Variants in GPATCH8 observed in about 807,000 individuals in gnomAD.
GPATCH8 encodes the protein G-patch domain containing 8, also known as G patch domain-containing protein 8.
In GPATCH8, 18 loss-of-function variants were observed where a neutral mutation model predicts 118.3. The ratio of observed to expected loss-of-function variants is 0.15; its 90% CI spans 0.11 to 0.23. The LOEUF (loss-of-function observed/expected upper bound fraction) is 0.23. Among genes scored for constraint, GPATCH8 ranks in the 10% least tolerant of loss-of-function variants. The pLI is 1.00. For missense variants in GPATCH8, 1,631 were observed against 1,873.8 expected, an observed-to-expected ratio of 0.87 and a Z score of 2.39; for synonymous variants, 659 against 684.7, an observed-to-expected ratio of 0.96 and a Z score of 0.59.
At chr17:44,414,594 G>A (rs754878331) in intron 6 of GPATCH8, among the ~76,000 whole-genome samples, 24 of 152,316 alleles carry the variant, frequency 1.6e-4, no homozygotes, top group Non-Finnish European at 2.1e-4. Flanking sequence ...GTGAGCCATT[G>A]CTCCTGGCCC....
intron 2 of GPATCH8, among the ~76,000 whole-genome samples, chr17:44,468,410 C>G (rs1350679647): frequency 2.0e-5 from 2 of 102,086 alleles, no homozygotes; most frequent in African/African-American, 4.1e-5. Flanking sequence ...TTTTGTGAGA[C>G]AGGGTCTCGC....
At chr17:44,425,309 G>C (rs2050050962) in intron 5 of GPATCH8, among the ~76,000 whole-genome samples, 1 of 152,064 alleles carries the variant, frequency 6.6e-6, no homozygotes, top group Admixed American at 6.6e-5. Context: ...AAAAAGATAA[G>C]TCTTATCTCA....
chr17:44,461,872 G>C (rs1351778261), intron 3 of GPATCH8, among the ~76,000 whole-genome samples: 3 of 151,522 alleles, frequency 2.0e-5, no homozygotes, highest in Non-Finnish European at 4.4e-5. Context: ...TGGGGGGTGG[G>C]GTGTAGGGGG....
At chr17:44,401,791 G>A (rs1053698494) in intron 7 of GPATCH8, among the ~76,000 whole-genome samples, 4 of 151,770 alleles carry the variant, frequency 2.6e-5, no homozygotes, top group African/African-American at 9.7e-5. Context: ...ACTGCTTGAG[G>A]TCAGAAGTTC....
chr17:44,440,623 G>C (rs2050656092), intron 3 of GPATCH8, among the ~76,000 whole-genome samples: 1 of 152,148 alleles, frequency 6.6e-6, no homozygotes, highest in Non-Finnish European at 1.5e-5. Flanking sequence ...AAATTCCTAA[G>C]TGCTCTCTTA....
intron 6 of GPATCH8, among the ~76,000 whole-genome samples, chr17:44,406,571 T>C (rs2049240901): frequency 6.6e-6 from 1 of 151,974 alleles, no homozygotes; most frequent in Non-Finnish European, 1.5e-5. Flanking sequence ...TGGTTTTTTT[T>C]TCTTTCAGCA....
intron 2 of GPATCH8, chr17:44,466,010 G>C (rs1226968870): frequency 6.6e-6 from 1 of 151,998 alleles, no homozygotes; most frequent in East Asian, 1.9e-4. Flanking sequence ...TCATTGATGG[G>C]GGAAAACCAG....
chr17:44,476,946 T>C (rs1288334564), intron 1 of GPATCH8, among the ~76,000 whole-genome samples: 1 of 152,238 alleles, frequency 6.6e-6, no homozygotes, highest in African/African-American at 2.4e-5. Flanking sequence ...ATCAATTTTC[T>C]GGTTCCCTTC....
chr17:44,416,575 TACA>T (rs2049694293), intron 6 of GPATCH8, among the ~76,000 whole-genome samples: 1 of 152,200 alleles, frequency 6.6e-6, no homozygotes, highest in South Asian at 2.1e-4. Flanking sequence ...AAAATAAAAC[TACA>T]ACATGTTCAA....
intron 1 of GPATCH8, among the ~76,000 whole-genome samples, chr17:44,498,377 A>C (rs1288719809): frequency 1.3e-5 from 2 of 152,208 alleles, no homozygotes; most frequent in Non-Finnish European, 2.9e-5. Context: ...CTCTGATCAC[A>C]GTTCTTCCCA....
At chr17:44,428,551 C>G (rs929676910) in intron 5 of GPATCH8, among the ~76,000 whole-genome samples, 2 of 151,688 alleles carry the variant, frequency 1.3e-5, no homozygotes, top group Non-Finnish European at 2.9e-5. Flanking sequence ...ACCTGTAATC[C>G]CAGCACTTTG....
At chr17:44,476,995 A>T (rs1967834675) in intron 1 of GPATCH8, among the ~76,000 whole-genome samples, 1 of 152,236 alleles carries the variant, frequency 6.6e-6, no homozygotes, top group African/African-American at 2.4e-5. Flanking sequence ...TGTGAGTCCC[A>T]CAATGACCTA....
At chr17:44,435,283 G>C (rs916687667) in intron 4 of GPATCH8, 132 bp from the exon 5 acceptor site, 1 of 664,954 alleles carries the variant, frequency 1.5e-6, no homozygotes, top group East Asian at 2.7e-5. Context: ...GCTACTGCTT[G>C]CTTTATTGTC....
chr17:44,443,481 T>C (rs1598502811), intron 3 of GPATCH8, among the ~76,000 whole-genome samples: 1 of 152,114 alleles, frequency 6.6e-6, no homozygotes, highest in East Asian at 1.9e-4. Flanking sequence ...ATGCTACCTC[T>C]CAGAAAACAT....
intron 2 of GPATCH8, chr17:44,464,797 A>T: frequency 2.1e-6 from 1 of 465,740 alleles, no homozygotes. Context: ...TTTTGTATAT[A>T]ACATTTTTAA....
chr17:44,402,346 AAAGT>A (rs2049057845), intron 7 of GPATCH8, among the ~76,000 whole-genome samples: 1 of 151,744 alleles, frequency 6.6e-6, no homozygotes, highest in South Asian at 2.1e-4. Context: ...AAAAAAAAAA[AAAGT>A]AAGACTTATG....
At chr17:44,436,079 T>G (rs1472256535) in intron 4 of GPATCH8, among the ~76,000 whole-genome samples, 6 of 61,208 alleles carry the variant, frequency 9.8e-5, no homozygotes, top group Non-Finnish European at 2.2e-4. Context: ...ATGAAGAAAA[T>G]ATTTTAGGCA....
intron 5 of GPATCH8, among the ~76,000 whole-genome samples, chr17:44,431,905 G>T (rs896043365): frequency 5.3e-5 from 8 of 152,056 alleles, no homozygotes; most frequent in Non-Finnish European, 1.2e-4. Flanking sequence ...CAGCATGGAC[G>T]ACAGAGTGAG....
Position 44,463,197 on chromosome 17 carries a change from G to C in GPATCH8, c.193+1275C>G, listed in dbSNP as rs368123663. Among the ~76,000 whole-genome samples, 75 of 152,108 alleles carry C rather than the reference G, an allele frequency of 4.9e-4. 1 individual carries two copies. The South Asian group carries it at 0.015, about 31-fold the overall frequency. On this transcript the variant is annotated intron_variant, in intron 3 of 7. Coordinates refer to ENST00000591680, the MANE Select transcript of GPATCH8 (RefSeq NM_001002909.4). ...AACCTCCCAAACTGCTGGGATTACA[G>C]ACATGAGCCACTGCACCTGTCCTTG...
Sources: allele counts gnomAD v4.1 joint callset (sites outside exome capture counted in the v4.1 genomes callset), GRCh38; gene constraint gnomAD v4.1.1; transcripts MANE v1.5; gene names NCBI Gene and HGNC (gene_info 2026-07-23, HGNC 2026-07-21).